The following BBOF1 variants were observed in gnomAD, a reference collection of about 807,000 sequenced individuals.
BBOF1 encodes basal body-orientation factor 1.
In BBOF1, 62 loss-of-function variants were observed where a neutral mutation model predicts 68.0. The ratio of observed to expected loss-of-function variants is 0.91; its 90% CI spans 0.74 to 1.13. The LOEUF (loss-of-function observed/expected upper bound fraction) is 1.13. BBOF1 is among the 50% of genes most tolerant of loss of function. The pLI is 0.00. For missense variants in BBOF1, 534 were observed against 600.1 expected, an observed-to-expected ratio of 0.89 and a Z score of 1.15; for synonymous variants, 208 against 198.8, an observed-to-expected ratio of 1.05 and a Z score of -0.39.
At chr14:74,067,018 C>A, downstream of BBOF1, 2 of 850,260 alleles carry the variant, frequency 2.4e-6, no homozygotes, top group South Asian at 3.0e-5. Context: ...GAGTTCCAGA[C>A]CAGCCTGGGC....
At chr14:74,055,490 C>G (rs770661559) in intron 8 of BBOF1, 94 bp from the exon 9 acceptor site, 26 of 816,296 alleles carry the variant, frequency 3.2e-5, no homozygotes, top group Non-Finnish European at 4.6e-5. Context: ...TGGAATTTAT[C>G]CTATGTTTAC....
intron 2 of BBOF1, among the ~76,000 whole-genome samples, chr14:74,026,030 G>A (rs2059416992): frequency 6.6e-6 from 1 of 151,742 alleles, no homozygotes; most frequent in African/African-American, 2.4e-5. Context: ...AGTCCCAGCT[G>A]CTTGGGAGGT....
At chr14:74,022,859 C>T in intron 1 of BBOF1, 57 bp from the exon 2 acceptor site, 1 of 871,976 alleles carries the variant, frequency 1.1e-6, no homozygotes, top group Non-Finnish European at 1.7e-6. Flanking sequence ...TATATACTAT[C>T]TGCATATTAG....
intron 6 of BBOF1, 69 bp downstream of exon 6, chr14:74,046,199 T>G: frequency 7.2e-7 from 1 of 1,381,024 alleles, no homozygotes; most frequent in Non-Finnish European, 9.9e-7. Flanking sequence ...TCTTTTCTTC[T>G]TACTTTCTTG....
At chr14:74,031,456 T>A (rs1023488854) in intron 3 of BBOF1, among the ~76,000 whole-genome samples, 3 of 152,212 alleles carry the variant, frequency 2.0e-5, no homozygotes, top group Admixed American at 2.0e-4. Context: ...TGTGGATATA[T>A]CATAGTTTAT....
intron 11 of BBOF1, chr14:74,060,670 G>C: frequency 6.2e-7 from 1 of 1,613,386 alleles, no homozygotes; most frequent in Non-Finnish European, 8.5e-7. Context: ...CATGACAACA[G>C]CAGGTGAGGA....
At chr14:74,038,263 C>T (rs890697797) in intron 4 of BBOF1, among the ~76,000 whole-genome samples, 2 of 152,142 alleles carry the variant, frequency 1.3e-5, no homozygotes, top group Non-Finnish European at 2.9e-5. Flanking sequence ...GGAAGGAATA[C>T]AAGTTATGTT....
chr14:74,030,508 T>C (rs544930017), intron 3 of BBOF1, among the ~76,000 whole-genome samples: 2 of 152,138 alleles, frequency 1.3e-5, no homozygotes, highest in Non-Finnish European at 2.9e-5. Flanking sequence ...ATCCAACTTT[T>C]TTTTTTAGAT....
intron 5 of BBOF1, among the ~76,000 whole-genome samples, chr14:74,044,478 T>C (rs1421264038): frequency 6.7e-6 from 1 of 148,978 alleles, no homozygotes; most frequent in African/African-American, 2.5e-5. Context: ...CTCTTCTCTT[T>C]TTTTTTTTTT....
chr14:74,033,074 T>G (rs1036237209), intron 3 of BBOF1, among the ~76,000 whole-genome samples: 3 of 152,060 alleles, frequency 2.0e-5, no homozygotes. Context: ...TTTACCACAC[T>G]CCCTTTGACT....
intron 10 of BBOF1, chr14:74,078,396 T>C: frequency 2.8e-6 from 1 of 361,284 alleles, no homozygotes; most frequent in Admixed American, 3.6e-5. Flanking sequence ...TCCTGTCTCC[T>C]AGGCTGGAAT....
chr14:74,057,540 G>A (rs575159453), intron 11 of BBOF1: 150 of 1,340,206 alleles, frequency 1.1e-4, no homozygotes, highest in Non-Finnish European at 1.3e-4. Context: ...TATCTTTTAC[G>A]TAAGAGTAAA....
chr14:74,020,794 A>G (rs2059268424), intron 1 of BBOF1, among the ~76,000 whole-genome samples: 4 of 152,086 alleles, frequency 2.6e-5, no homozygotes, highest in Admixed American at 2.0e-4. Context: ...GTGAGCCACC[A>G]TGCCCTGTCG....
chr14:74,030,230 T>G lies in BBOF1; in HGVS notation c.351+981T>G, dbSNP rs548302062. On this transcript the variant is annotated intron_variant, in intron 3 of 11. Transcript: ENST00000394009. Reference sequence around the variant, plus strand: ...TTCATTCTACTGTATTTATTTAATTTTTTTAGATATGGGAGTTTTGCTATA... The same window carrying G: ...TTCATTCTACTGTATTTATTTAATTGTTTTAGATATGGGAGTTTTGCTATA... Among the ~76,000 whole-genome samples the G allele has an allele frequency of 2.4e-4, 37 of 152,216 alleles. No homozygotes were observed. In the South Asian group the frequency reaches 7.3e-3, roughly 30 times the overall value.
chr14:74,032,030 A>G (rs1037659282), intron 3 of BBOF1: 9 of 151,250 alleles, frequency 6.0e-5, no homozygotes, highest in Admixed American at 4.6e-4. Context: ...CCATTTATAG[A>G]TATTGTGCTG....
chr14:74,045,395 T>A (rs975973534), intron 5 of BBOF1, among the ~76,000 whole-genome samples: 5 of 152,150 alleles, frequency 3.3e-5, no homozygotes, highest in Admixed American at 1.3e-4. Flanking sequence ...CCACAAACTC[T>A]GCCTCCCGGG....
intron 2 of BBOF1, among the ~76,000 whole-genome samples, chr14:74,026,372 G>C (rs990105767): frequency 6.7e-6 from 1 of 148,628 alleles, no homozygotes; most frequent in East Asian, 2.0e-4. Flanking sequence ...AACACAGGAG[G>C]CGGAGGTTGC....
downstream of BBOF1, chr14:74,066,997 C>T (rs2060477322): frequency 2.8e-6 from 3 of 1,056,910 alleles, no homozygotes; most frequent in Admixed American, 5.8e-5. Flanking sequence ...AGGAGGACTG[C>T]TTGAGCCCAG....
chr14:74,021,865 C>A (rs780441817), intron 1 of BBOF1, among the ~76,000 whole-genome samples: 2 of 151,868 alleles, frequency 1.3e-5, no homozygotes, highest in Non-Finnish European at 1.5e-5. Flanking sequence ...CGAGATCACG[C>A]CACTGCTCTT....
Sources: gnomAD v4.1 joint callset for allele counts (sites outside exome capture counted in the v4.1 genomes callset) on GRCh38, gnomAD v4.1.1 for gene constraint, MANE v1.5 for transcripts, NCBI Gene and HGNC (gene_info 2026-07-23, HGNC 2026-07-21) for gene names.